SPOCK3: variants seen among roughly 807,000 people sequenced by gnomAD.
The protein encoded by SPOCK3 is testican-3.
SPOCK3 carries 30 observed loss-of-function variants against 56.6 expected under a neutral mutation model. That is an observed-to-expected ratio of 0.53 (90% confidence interval 0.40 to 0.72). SPOCK3 has a LOEUF of 0.72. SPOCK3 is among the 30% of genes least tolerant of loss of function. SPOCK3 has a pLI of 0.00. For synonymous variants in SPOCK3, 196 were observed against 183.3 expected (o/e 1.07, Z -0.56); for missense variants, 527 against 530.0 (o/e 0.99, Z 0.06).
chr4:166,797,874 T>C (rs180698241), intron 6 of SPOCK3, among the ~76,000 whole-genome samples: 288 of 152,330 alleles, frequency 1.9e-3, no homozygotes, highest in African/African-American at 6.6e-3. Context: ...CGTTATGTTA[T>C]AAAATGATAA....
intron 5 of SPOCK3, among the ~76,000 whole-genome samples, chr4:166,903,678 C>A (rs1446053832): frequency 6.6e-6 from 1 of 151,572 alleles, no homozygotes; most frequent in African/African-American, 2.4e-5. Context: ...GTCTCAGTTT[C>A]TGTGTTAGTG....
intron 2 of SPOCK3, among the ~76,000 whole-genome samples, chr4:167,148,602 C>T (rs776609722): frequency 6.6e-6 from 1 of 152,096 alleles, no homozygotes; most frequent in Non-Finnish European, 1.5e-5. Context: ...TCTGTTATAA[C>T]TGATATCTCT....
intron 6 of SPOCK3, among the ~76,000 whole-genome samples, chr4:166,799,584 A>C (rs1742326175): frequency 6.6e-6 from 1 of 152,104 alleles, no homozygotes; most frequent in Admixed American, 6.5e-5. Context: ...AAGATACTTA[A>C]AAGGTTCATC....
At chr4:166,887,090 C>A (rs562414069) in intron 6 of SPOCK3, among the ~76,000 whole-genome samples, 3 of 152,214 alleles carry the variant, frequency 2.0e-5, no homozygotes, top group South Asian at 2.1e-4. Context: ...TATTAATATA[C>A]ACACTATACA....
chr4:167,225,718 T>C (rs1453344510), intron 2 of SPOCK3, among the ~76,000 whole-genome samples: 1 of 151,984 alleles, frequency 6.6e-6, no homozygotes, highest in Non-Finnish European at 1.5e-5. Flanking sequence ...CCATCTCTGT[T>C]TATGATTCAG....
chr4:166,834,440 G>A (rs1476225651), intron 6 of SPOCK3, among the ~76,000 whole-genome samples: 2 of 152,118 alleles, frequency 1.3e-5, no homozygotes, highest in Non-Finnish European at 2.9e-5. Context: ...ACTGCTCTCT[G>A]ATGAGCTCAA....
At chr4:167,205,483 A>ATATATAATATATAATATATAT (rs1734139116) in intron 2 of SPOCK3, among the ~76,000 whole-genome samples, 8 of 51,030 alleles carry the variant, frequency 1.6e-4, no homozygotes, top group Non-Finnish European at 2.6e-4. Context: ...TTTATATATA[A>ATATATAATATATAATATATAT]TATATAATAT....
intron 4 of SPOCK3, among the ~76,000 whole-genome samples, chr4:166,956,230 C>G (rs778881033): frequency 3.9e-5 from 6 of 151,968 alleles, no homozygotes; most frequent in Non-Finnish European, 7.4e-5. Context: ...TACACACACA[C>G]ACACACACAA....
At chr4:166,892,772 A>G (rs1734924594) in intron 5 of SPOCK3, among the ~76,000 whole-genome samples, 2 of 152,116 alleles carry the variant, frequency 1.3e-5, no homozygotes, top group Non-Finnish European at 2.9e-5. Context: ...GTGAAAAGCA[A>G]GCCTGCAGAA....
rs150447661 is a variant in SPOCK3 at position 167,080,307 on chromosome 4, A to G, written c.190-17770T>C. Reference sequence around the variant, plus strand: ...GGCATAAGAAGGTCAGTTGATACTAAGGAATGCCACTTGCAAACAAGTTTC... The same window carrying G: ...GGCATAAGAAGGTCAGTTGATACTAGGGAATGCCACTTGCAAACAAGTTTC... On this transcript the variant is annotated intron_variant, in intron 2 of 10. Transcript: ENST00000357545. Among the ~76,000 whole-genome samples the G allele has an allele frequency of 1.5e-3, 232 of 152,230 alleles. 2 individuals are homozygous for G. The highest frequency in any genetic ancestry group is 5.3e-3 in the African/African-American group (222 of 41,584).
chr4:166,810,147 C>G (rs1392853609), intron 6 of SPOCK3, among the ~76,000 whole-genome samples: 1 of 152,084 alleles, frequency 6.6e-6, no homozygotes, highest in African/African-American at 2.4e-5. Flanking sequence ...TCATTTAGCA[C>G]AAATCCAAAT....
At chr4:166,918,469 T>C (rs1423588546) in intron 4 of SPOCK3, 4 of 152,032 alleles carry the variant, frequency 2.6e-5, no homozygotes, top group African/African-American at 4.8e-5. Context: ...AGGTTCAGGG[T>C]GGTATAGAAT....
intron 4 of SPOCK3, among the ~76,000 whole-genome samples, chr4:166,949,530 C>A (rs535972381): frequency 6.6e-6 from 1 of 152,172 alleles, no homozygotes; most frequent in East Asian, 1.9e-4. Context: ...TGTGGATGTC[C>A]TTTCTGTTCG....
intron 8 of SPOCK3, among the ~76,000 whole-genome samples, chr4:166,744,114 C>T (rs1257360405): frequency 6.6e-6 from 1 of 152,124 alleles, no homozygotes; most frequent in Non-Finnish European, 1.5e-5. Flanking sequence ...AGTGGTTCTC[C>T]CACCCCGGAG....
At chr4:166,886,056 C>G (rs996108624) in intron 6 of SPOCK3, among the ~76,000 whole-genome samples, 5 of 151,962 alleles carry the variant, frequency 3.3e-5, no homozygotes, top group African/African-American at 1.2e-4. Flanking sequence ...TTTCAATGAA[C>G]TTTTGTTTTG....
At chr4:167,013,397 T>C (rs1750284535) in intron 3 of SPOCK3, among the ~76,000 whole-genome samples, 1 of 151,694 alleles carries the variant, frequency 6.6e-6, no homozygotes, top group African/African-American at 2.4e-5. Context: ...CAATATATAA[T>C]ATTGTCTTCT....
intron 6 of SPOCK3, among the ~76,000 whole-genome samples, chr4:166,836,918 T>C (rs1240231243): frequency 6.6e-6 from 1 of 152,200 alleles, no homozygotes; most frequent in Non-Finnish European, 1.5e-5. Flanking sequence ...TCTTAGTAAT[T>C]TTCCATTCAT....
intron 2 of SPOCK3, among the ~76,000 whole-genome samples, chr4:167,105,471 A>AC (rs937920118): frequency 1.1e-4 from 17 of 150,504 alleles, no homozygotes; most frequent in Non-Finnish European, 2.4e-4. Context: ...ATTAAAAAAA[A>AC]AAAAAAAAAC....
intron 2 of SPOCK3, among the ~76,000 whole-genome samples, chr4:167,084,748 T>C (rs979757409): frequency 6.6e-6 from 1 of 150,840 alleles, no homozygotes; most frequent in Non-Finnish European, 1.5e-5. Context: ...AGAATGAAAG[T>C]AAATATAAAC....
Sources: gnomAD v4.1 joint callset for allele counts (sites outside exome capture counted in the v4.1 genomes callset) on GRCh38, gnomAD v4.1.1 for gene constraint, MANE v1.5 for transcripts, NCBI Gene and HGNC (gene_info 2026-07-23, HGNC 2026-07-21) for gene names.